Variants in KLHL7 observed in about 807,000 individuals in gnomAD.
The protein encoded by KLHL7 is kelch-like protein 7.
In KLHL7, 44 loss-of-function variants were observed where a neutral mutation model predicts 67.4. The observed-to-expected ratio is 0.65, with a 90% confidence interval of 0.51 to 0.84. The LOEUF (loss-of-function observed/expected upper bound fraction) is 0.84, where lower values mean the gene tolerates loss of function less well. Ranked by LOEUF, KLHL7 falls within the 40% of genes least tolerant of loss-of-function variation. The probability of loss-of-function intolerance (pLI) is 0.00; values close to 1 mark genes in which losing one functional copy is unlikely to be tolerated. For missense variants in KLHL7, 362 were observed against 718.1 expected, an observed-to-expected ratio of 0.50 and a Z score of 5.67; for synonymous variants, 252 against 243.3, an observed-to-expected ratio of 1.04 and a Z score of -0.33.
intron 1 of KLHL7, chr7:23,117,844 C>A: frequency 6.2e-7 from 1 of 1,611,064 alleles, no homozygotes; most frequent in Non-Finnish European, 8.5e-7. Flanking sequence ...TGATTTAAAT[C>A]TACCACCCAG....
At chr7:23,157,654 G>A (rs897136670) in intron 7 of KLHL7, among the ~76,000 whole-genome samples, 3 of 152,190 alleles carry the variant, frequency 2.0e-5, no homozygotes, top group African/African-American at 7.2e-5. Flanking sequence ...CTGGTCGGTA[G>A]TTTTGTTCTA....
intron 1 of KLHL7, among the ~76,000 whole-genome samples, chr7:23,111,187 A>G (rs1334644209): frequency 6.6e-6 from 1 of 152,204 alleles, no homozygotes; most frequent in Non-Finnish European, 1.5e-5. Flanking sequence ...CTCTAAGGAA[A>G]TGGTCATTGA....
intron 4 of KLHL7, among the ~76,000 whole-genome samples, chr7:23,135,901 G>C (rs1479684375): frequency 1.3e-5 from 2 of 152,154 alleles, no homozygotes; most frequent in Non-Finnish European, 2.9e-5. Flanking sequence ...CCACCCTTTT[G>C]CAATGTGACT....
chr7:23,114,879 A>G (rs977263448), intron 1 of KLHL7, among the ~76,000 whole-genome samples: 1 of 152,224 alleles, frequency 6.6e-6, no homozygotes, highest in Admixed American at 6.5e-5. Context: ...AGCACTCCAT[A>G]TAATTCTGTA....
intron 7 of KLHL7, among the ~76,000 whole-genome samples, chr7:23,152,658 T>C (rs988204259): frequency 2.6e-5 from 4 of 152,204 alleles, no homozygotes; most frequent in African/African-American, 9.7e-5. Context: ...AAATGACCTT[T>C]ATTTGAACCA....
intron 4 of KLHL7, among the ~76,000 whole-genome samples, chr7:23,132,760 T>C (rs553670943): frequency 6.6e-6 from 1 of 152,302 alleles, no homozygotes; most frequent in South Asian, 2.1e-4. Context: ...GTTTTCTTGT[T>C]ATTTCATAGT....
At chr7:23,140,730 A>G (rs1438713901) in intron 4 of KLHL7, 39 bp from the exon 5 acceptor site, 1 of 1,587,106 alleles carries the variant, frequency 6.3e-7, no homozygotes, top group South Asian at 1.1e-5. Context: ...GTTTTTCTAA[A>G]AATGATTTTC....
intron 4 of KLHL7, among the ~76,000 whole-genome samples, chr7:23,127,990 C>A (rs1400005326): frequency 6.6e-6 from 1 of 151,510 alleles, no homozygotes; most frequent in Non-Finnish European, 1.5e-5. Flanking sequence ...ATTAACCGGG[C>A]ATGGTTGTGC....
At chr7:23,157,042 C>T (rs1280682573) in intron 7 of KLHL7, among the ~76,000 whole-genome samples, 1 of 152,108 alleles carries the variant, frequency 6.6e-6, no homozygotes, top group Non-Finnish European at 1.5e-5. Context: ...ACAGGTCCTC[C>T]CTAAGGAGGA....
At chr7:23,138,642 ATCCTCCTGCC>A (rs1205335075) in intron 4 of KLHL7, among the ~76,000 whole-genome samples, 3 of 151,634 alleles carry the variant, frequency 2.0e-5, no homozygotes, top group Non-Finnish European at 4.4e-5. Context: ...GGTTCAAGTG[ATCCTCCTGCC>A]TCAGCCTCCT....
In KLHL7 at chr7:23,117,625, A is replaced by G. The variant is rs568815770; in HGVS notation, c.121-6152A>G. Among the ~76,000 whole-genome samples the G allele has an allele frequency of 7.6e-4, 116 of 152,036 alleles. No individual in the cohort carries two copies. Among genetic ancestry groups the G allele is most frequent in the Non-Finnish European group, 1.4e-3 (93 of 68,016 alleles). ...TATCTTCCTTTGTTTTTCCTTCACT[A>G]TCCCACTTGCCTTATTCTAATTGTG... On this transcript the variant is annotated intron_variant, in intron 1 of 10. Transcript: ENST00000339077.
At chr7:23,150,816 G>GA (rs1450148669) in intron 6 of KLHL7, among the ~76,000 whole-genome samples, 1 of 151,980 alleles carries the variant, frequency 6.6e-6, no homozygotes, top group African/African-American at 2.4e-5. Flanking sequence ...TCTGATAAGT[G>GA]AAAAAAGTAT....
chr7:23,171,651 T>G (rs1785164941), intron 9 of KLHL7, among the ~76,000 whole-genome samples: 1 of 152,232 alleles, frequency 6.6e-6, no homozygotes, highest in Admixed American at 6.5e-5. Flanking sequence ...AAAAGAATTG[T>G]TAATACTTCA....
Position 23,175,574 on chromosome 7 carries a change from CATA to C in KLHL7, c.*1279_*1281del, listed in dbSNP as rs1785278654. 9.2e-6 allele frequency: 3 copies of C among 324,354 alleles called. No homozygotes were observed. Among genetic ancestry groups the C allele is most frequent in the South Asian group, 8.0e-5 (3 of 37,704 alleles). 20.1% of individuals were successfully genotyped at this position (324,354 alleles called of 1,614,324 possible). On this transcript the variant is annotated 3_prime_UTR_variant, in exon 11 of 11. Coordinates refer to ENST00000339077, the MANE Select transcript of KLHL7 (RefSeq NM_001031710.3). ...TAAATCAAAAAGGAATTAGGAAAAA[CATA>C]ATGATAGGTATATTTCTATTTGTGT...
intron 10 of KLHL7, 136 bp downstream of exon 10, chr7:23,173,181 G>A (rs919777749): frequency 2.0e-5 from 13 of 646,572 alleles, no homozygotes; most frequent in Non-Finnish European, 3.3e-5. Context: ...TAGTTTCTGG[G>A]AATTAACATA....
rs769467248 is a variant in KLHL7, at chr7:23,174,139, T to C, written c.1602T>C (p.Ala534=). ...AAVGSIVYVL[A]GFQGVGRLGH... is the part of the protein sequence containing the mutation. ...TTGGCTCTATAGTTTATGTCTTGGC[T>C]GGTTTTCAGGGTGTTGGTCGATTAG... The change falls in exon 11 of 11, where the codon GCT becomes GCC. Residue 534 remains alanine (A), a synonymous_variant. Coordinates refer to ENST00000339077, the MANE Select transcript of KLHL7 (RefSeq NM_001031710.3). The C allele has an allele frequency of 6.2e-7, 1 of 1,614,212 alleles. No individual in the cohort carries two copies. Among genetic ancestry groups the C allele is most frequent in the South Asian group, 1.1e-5 (1 of 91,082 alleles).
At chr7:23,151,670 A>C (rs1784541363) in intron 6 of KLHL7, among the ~76,000 whole-genome samples, 2 of 152,216 alleles carry the variant, frequency 1.3e-5, no homozygotes. Flanking sequence ...TTATTTAATT[A>C]GTCTGTGGTA....
At chr7:23,126,831 G>A (rs1236208970) in intron 4 of KLHL7, among the ~76,000 whole-genome samples, 2 of 152,170 alleles carry the variant, frequency 1.3e-5, no homozygotes, top group Non-Finnish European at 2.9e-5. Flanking sequence ...AGATGGAGCA[G>A]GAAGAGAAAT....
At chr7:23,167,046 G>A (rs1785022388) in intron 8 of KLHL7, among the ~76,000 whole-genome samples, 1 of 151,860 alleles carries the variant, frequency 6.6e-6, no homozygotes, top group Non-Finnish European at 1.5e-5. Flanking sequence ...TTATAAAGGT[G>A]TTGTCGTTTT....
Sources: gnomAD v4.1 joint callset for allele counts (sites outside exome capture counted in the v4.1 genomes callset) on GRCh38, gnomAD v4.1.1 for gene constraint, MANE v1.5 for transcripts, NCBI Gene and HGNC (gene_info 2026-07-23, HGNC 2026-07-21) for gene names.